DCDC1: variants seen among roughly 807,000 people sequenced by gnomAD.
DCDC1 encodes the protein doublecortin domain-containing protein 1.
Under a neutral mutation model 178.3 loss-of-function variants are expected in DCDC1, and 200 were observed. The ratio of observed to expected loss-of-function variants is 1.12; its 90% confidence interval spans 1.00 to 1.26. DCDC1 has a LOEUF of 1.26. DCDC1 is among the 50% of genes most tolerant of loss of function. The pLI is 0.00. For synonymous variants in DCDC1, 690 were observed against 604.8 expected (o/e 1.14, Z -2.07); for missense variants, 1,983 against 1,749.2 (o/e 1.13, Z -2.38).
chr11:31,263,497 G>T (rs748587529), intron 8 of DCDC1, among the ~76,000 whole-genome samples: 1 of 152,098 alleles, frequency 6.6e-6, no homozygotes, highest in African/African-American at 2.4e-5. Context: ...ATCTACAGGA[G>T]ATTTGAAATC....
intron 20 of DCDC1, among the ~76,000 whole-genome samples, chr11:31,049,078 T>C (rs1342604591): frequency 6.6e-6 from 1 of 152,246 alleles, no homozygotes; most frequent in East Asian, 1.9e-4. Context: ...TGTCATAGTT[T>C]GGTTAATTCT....
At chr11:31,221,588 C>T (rs1167920227) in intron 9 of DCDC1, among the ~76,000 whole-genome samples, 2 of 152,144 alleles carry the variant, frequency 1.3e-5, no homozygotes, top group African/African-American at 4.8e-5. Flanking sequence ...ATCTGACAGC[C>T]TTCCTTCATT....
At chr11:31,083,349 T>A (rs1957299586) in intron 17 of DCDC1, among the ~76,000 whole-genome samples, 1 of 152,190 alleles carries the variant, frequency 6.6e-6, no homozygotes, top group South Asian at 2.1e-4. Context: ...ACGTACAGAC[T>A]AAAGATAGAA....
At chr11:31,276,006 A>G (rs1945959039) in intron 7 of DCDC1, among the ~76,000 whole-genome samples, 1 of 152,240 alleles carries the variant, frequency 6.6e-6, no homozygotes, top group African/African-American at 2.4e-5. Flanking sequence ...GAAAGAGTAC[A>G]AACTCCAGAA....
At chr11:31,285,690 G>A (rs1946770438) in intron 7 of DCDC1, among the ~76,000 whole-genome samples, 2 of 151,890 alleles carry the variant, frequency 1.3e-5, no homozygotes, top group African/African-American at 4.8e-5. Context: ...TGGCTTAAAG[G>A]CATCTGATAA....
chr11:31,195,612 A>G (rs1970604254), intron 9 of DCDC1, among the ~76,000 whole-genome samples: 2 of 152,116 alleles, frequency 1.3e-5, no homozygotes, highest in South Asian at 2.1e-4. Flanking sequence ...TTATGACCTA[A>G]ATTAGGATCC....
rs185749310 is a variant in DCDC1 at position 31,074,544 on chromosome 11, T to C, written c.2298+3321A>G. ...TACGGCATTTGTCCCCTCCAGAGGA[T>C]GTAGCAACAAGGCAGACAGCAGCCC... On this transcript the variant is annotated intron_variant, in intron 18 of 38. Coordinates refer to ENST00000684477, the MANE Select transcript of DCDC1 (RefSeq NM_001387274.1). 1.1e-4 allele frequency among the ~76,000 whole-genome samples: 17 copies of C among 152,206 alleles called. No homozygotes were observed. In the East Asian group the frequency reaches 2.5e-3, roughly 22 times the overall value.
intron 21 of DCDC1, among the ~76,000 whole-genome samples, chr11:30,935,034 C>T (rs1164393548): frequency 2.0e-5 from 3 of 152,156 alleles, no homozygotes; most frequent in Non-Finnish European, 4.4e-5. Flanking sequence ...GTGTTGACAG[C>T]CCCTAACCCA....
intron 26 of DCDC1, among the ~76,000 whole-genome samples, chr11:30,916,437 T>C (rs1335805908): frequency 6.6e-6 from 1 of 152,216 alleles, no homozygotes; most frequent in Non-Finnish European, 1.5e-5. Context: ...CAAAGTACTA[T>C]ATATTCCTGT....
chr11:30,978,058 C>G (rs1481777045), intron 20 of DCDC1, among the ~76,000 whole-genome samples: 1 of 152,182 alleles, frequency 6.6e-6, no homozygotes, highest in Admixed American at 6.5e-5. Context: ...TTCTGTACAA[C>G]AAGTCAGTAG....
chr11:31,285,027 C>A (rs1946714529), intron 7 of DCDC1, among the ~76,000 whole-genome samples: 1 of 152,012 alleles, frequency 6.6e-6, no homozygotes, highest in African/African-American at 2.4e-5. Flanking sequence ...ACTGATAATT[C>A]TCATTTGTTT....
chr11:31,238,485 A>G (rs1383377395), intron 9 of DCDC1, among the ~76,000 whole-genome samples: 4 of 152,078 alleles, frequency 2.6e-5, no homozygotes, highest in Non-Finnish European at 4.4e-5. Context: ...CTTGAAGCAC[A>G]CAGAAAGCAC....
In DCDC1 at chr11:30,984,235, G is replaced by A. The variant is rs986925434; in HGVS notation, c.2592-31667C>T. On this transcript the variant is annotated intron_variant, in intron 20 of 38. Transcript: ENST00000684477. ...CCATGTGAGATGGCTGTGTGTGTGCGAGCGCAGGTGTGTGTTTGGGCACGT... is the reference window on the plus strand; with the variant it reads ...CCATGTGAGATGGCTGTGTGTGTGCAAGCGCAGGTGTGTGTTTGGGCACGT... Among the ~76,000 whole-genome samples, 3 of 152,050 alleles carry A rather than the reference G, an allele frequency of 2.0e-5. No homozygotes were observed. The East Asian group carries it at 5.8e-4, about 30-fold the overall frequency.
intron 9 of DCDC1, among the ~76,000 whole-genome samples, chr11:31,190,784 A>G (rs1459030017): frequency 6.6e-6 from 1 of 152,118 alleles, no homozygotes; most frequent in African/African-American, 2.4e-5. Context: ...ATCTGAGCTC[A>G]ATTAACATTA....
intron 20 of DCDC1, among the ~76,000 whole-genome samples, chr11:31,026,660 C>T (rs547502864): frequency 2.0e-5 from 3 of 151,764 alleles, no homozygotes; most frequent in Non-Finnish European, 4.4e-5. Context: ...TACTTTGATG[C>T]GCTTTTTATT....
At chr11:31,177,701 A>C (rs1404694079) in intron 9 of DCDC1, among the ~76,000 whole-genome samples, 1 of 152,326 alleles carries the variant, frequency 6.6e-6, no homozygotes. Context: ...TGAAAATGGA[A>C]ACCAAAGCAG....
At chr11:31,173,504 A>C (rs1203217882) in intron 9 of DCDC1, among the ~76,000 whole-genome samples, 1 of 152,168 alleles carries the variant, frequency 6.6e-6, no homozygotes, top group Non-Finnish European at 1.5e-5. Context: ...TTATCTCTGG[A>C]TTGTATAAAT....
At chr11:30,967,593 A>C (rs1436251168) in intron 20 of DCDC1, among the ~76,000 whole-genome samples, 1 of 152,182 alleles carries the variant, frequency 6.6e-6, no homozygotes, top group Non-Finnish European at 1.5e-5. Context: ...GGATCTGGCC[A>C]GGGGACCCAC....
intron 6 of DCDC1, among the ~76,000 whole-genome samples, chr11:31,303,723 C>T (rs974882084): frequency 6.6e-6 from 1 of 152,106 alleles, no homozygotes; most frequent in South Asian, 2.1e-4. Context: ...AGATGAATGG[C>T]TTTTCCCCAT....
Sources: allele counts gnomAD v4.1 joint callset (sites outside exome capture counted in the v4.1 genomes callset), GRCh38; gene constraint gnomAD v4.1.1; transcripts MANE v1.5; gene names NCBI Gene and HGNC (gene_info 2026-07-23, HGNC 2026-07-21).